UMODL1: variants seen among roughly 807,000 people sequenced by gnomAD.
UMODL1 encodes uromodulin like 1.
UMODL1 carries 128 observed loss-of-function variants against 136.3 expected under a neutral mutation model. The ratio of observed to expected loss-of-function variants is 0.94; its 90% CI spans 0.81 to 1.09. The LOEUF is 1.09. Ranked by LOEUF, UMODL1 falls within the 50% of genes least tolerant of loss-of-function variation. The pLI, the probability that UMODL1 is intolerant of heterozygous loss-of-function variation, is 0.00. For synonymous variants in UMODL1, 721 were observed against 720.0 expected (o/e 1.00, Z -0.02); for missense variants, 1,766 against 1,725.6 (o/e 1.02, Z -0.41).
chr21:42,075,677 T>C (rs929710948), intron 1 of UMODL1, among the ~76,000 whole-genome samples: 10 of 152,186 alleles, frequency 6.6e-5, no homozygotes, highest in Non-Finnish European at 1.3e-4. Flanking sequence ...CGCTGTGCTC[T>C]CTCCTTCGTA....
At chr21:42,105,186 C>T (rs1382695523) in intron 9 of UMODL1, among the ~76,000 whole-genome samples, 3 of 152,244 alleles carry the variant, frequency 2.0e-5, no homozygotes, top group African/African-American at 7.2e-5. Flanking sequence ...GATGGGGATA[C>T]TACAGTGGCC....
chr21:42,103,961 G>A lies in UMODL1; in HGVS notation c.1393G>A (p.Val465Met), dbSNP rs376595031. ...IVSLQAGSVV[V>M]RLKLTVQDPG... ...GTCTCTCCAGGCGGGAAGTGTGGTCGTGAGGCTCAAGCTCACCGTGCAGGA... is the reference window on the plus strand; with the variant it reads ...GTCTCTCCAGGCGGGAAGTGTGGTCATGAGGCTCAAGCTCACCGTGCAGGA... The change falls in exon 9 of 23, where the codon GTG becomes ATG. Residue 465 changes from valine to methionine, a missense_variant. Transcript: ENST00000408910. 53 of 1,613,994 alleles carry A rather than the reference G, an allele frequency of 3.3e-5. No individual in the cohort carries two copies. Among genetic ancestry groups the A allele is most frequent in the Non-Finnish European group, 4.2e-5 (50 of 1,180,032 alleles).
chr21:42,077,571 C>T (rs376711059), intron 2 of UMODL1, among the ~76,000 whole-genome samples: 1 of 152,266 alleles, frequency 6.6e-6, no homozygotes, highest in Non-Finnish European at 1.5e-5. Flanking sequence ...AGGTGATAGA[C>T]ACGAGGCTTT....
chr21:42,127,194 C>T lies in UMODL1; in HGVS notation c.3482C>T (p.Pro1161Leu), dbSNP rs765005085. Residue 1161 changes from proline to leucine, a missense_variant, in exon 19 of 23, where the codon CCG becomes CTG. Coordinates refer to ENST00000408910, the MANE Select transcript of UMODL1 (RefSeq NM_001004416.3). Reference sequence around the variant, plus strand: ...GTCCTGACGGAGTGCTGGGCAACCCCGTCTAGCAACGCCCGGGACCCCATC... The same window carrying T: ...GTCCTGACGGAGTGCTGGGCAACCCTGTCTAGCAACGCCCGGGACCCCATC... ...KVVLTECWAT[P>L]SSNARDPITF... 6.8e-6 allele frequency: 11 copies of T among 1,614,094 alleles called. No individual in the cohort carries two copies. The highest frequency in any genetic ancestry group is 2.2e-5 in the South Asian group (2 of 91,024).
At chr21:42,114,141 G>A (rs12627341) in intron 13 of UMODL1, among the ~76,000 whole-genome samples, 6,942 of 152,284 alleles carry the variant, frequency 0.046, 219 homozygotes, top group East Asian at 0.13. Flanking sequence ...AAATGCATGC[G>A]GTGCTCATCT....
intron 9 of UMODL1, chr21:42,108,346 C>A: frequency 1.9e-6 from 1 of 526,522 alleles, no homozygotes; most frequent in Non-Finnish European, 3.9e-6. Flanking sequence ...GGGTTGGCAC[C>A]AGCAGTGTTC....
chr21:42,065,264 G>A (rs1044397531), intron 1 of UMODL1, among the ~76,000 whole-genome samples: 1 of 152,222 alleles, frequency 6.6e-6, no homozygotes. Flanking sequence ...AGCTTTCTAA[G>A]ATGCCACACT....
intron 6 of UMODL1, among the ~76,000 whole-genome samples, chr21:42,097,022 C>T (rs528852418): frequency 5.5e-4 from 83 of 152,222 alleles, no homozygotes; most frequent in South Asian, 4.6e-3. Context: ...ACCCTGGAGA[C>T]GGGGGTGCCA....
At chr21:42,121,939 G>A (rs2066978157) in intron 16 of UMODL1, among the ~76,000 whole-genome samples, 1 of 152,194 alleles carries the variant, frequency 6.6e-6, no homozygotes, top group African/African-American at 2.4e-5. Flanking sequence ...TGAGAACAGA[G>A]CTGGTGATGG....
intron 21 of UMODL1, among the ~76,000 whole-genome samples, chr21:42,130,313 C>A (rs1055131765): frequency 1.3e-5 from 2 of 152,218 alleles, no homozygotes; most frequent in East Asian, 1.9e-4. Flanking sequence ...AATGGCATAT[C>A]TGTTCCCCCT....
At chr21:42,108,010 T>C (rs564539719) in intron 9 of UMODL1, among the ~76,000 whole-genome samples, 1 of 152,332 alleles carries the variant, frequency 6.6e-6, no homozygotes, top group South Asian at 2.1e-4. Context: ...CTGGCAGCTC[T>C]TCCTGCTCCC....
intron 6 of UMODL1, among the ~76,000 whole-genome samples, chr21:42,091,237 T>C (rs2066488418): frequency 1.3e-5 from 2 of 152,256 alleles, no homozygotes; most frequent in African/African-American, 4.8e-5. Context: ...ATTGTGGAAA[T>C]GGAGACATTT....
intron 20 of UMODL1, among the ~76,000 whole-genome samples, chr21:42,129,234 C>G (rs1032383449): frequency 6.6e-6 from 1 of 152,116 alleles, no homozygotes; most frequent in African/African-American, 2.4e-5. Context: ...GGACTTCAAT[C>G]CCTTTTTGGA....
At chr21:42,063,059 TC>T (rs2066154954) in exon 1 of UMODL1, 1 of 152,226 alleles carries the variant, frequency 6.6e-6, no homozygotes, top group Admixed American at 6.5e-5. Context: ...TGTAGATGGA[TC>T]ACTCCAATCT....
At chr21:42,108,546 G>A (rs2066757454) in intron 9 of UMODL1, 3 of 348,414 alleles carry the variant, frequency 8.6e-6, no homozygotes, top group South Asian at 6.5e-5. Flanking sequence ...AACTGGTCCT[G>A]CATCGTGGCT....
chr21:42,138,461 T>C (rs182928231), intron 22 of UMODL1, among the ~76,000 whole-genome samples: 4 of 152,330 alleles, frequency 2.6e-5, no homozygotes, highest in Admixed American at 2.6e-4. Flanking sequence ...CTTTTGTTTT[T>C]CCTGGGCCTG....
At chr21:42,069,744 T>C (rs910995441), upstream of UMODL1, among the ~76,000 whole-genome samples, 1 of 152,184 alleles carries the variant, frequency 6.6e-6, no homozygotes, top group African/African-American at 2.4e-5. Context: ...ATTCATACAT[T>C]ATAGTAGCAA....
chr21:42,078,881 C>T (rs1455900768), intron 2 of UMODL1, among the ~76,000 whole-genome samples: 1 of 152,210 alleles, frequency 6.6e-6, no homozygotes, highest in Non-Finnish European at 1.5e-5. Context: ...GTCCTGATGC[C>T]TGGCCCCATT....
chr21:42,090,109 A>G (rs1360536483), intron 5 of UMODL1, among the ~76,000 whole-genome samples, 189 bp from the exon 6 acceptor site: 1 of 152,206 alleles, frequency 6.6e-6, no homozygotes, highest in Non-Finnish European at 1.5e-5. Context: ...GACGATGGCC[A>G]GCAGCCGCAC....
Sources: gnomAD v4.1 joint callset for allele counts (sites outside exome capture counted in the v4.1 genomes callset) on GRCh38, gnomAD v4.1.1 for gene constraint, MANE v1.5 for transcripts, NCBI Gene and HGNC (gene_info 2026-07-23, HGNC 2026-07-21) for gene names.